RNF213: variants seen among roughly 807,000 people sequenced by gnomAD.
RNF213 encodes E3 ubiquitin-protein ligase RNF213.
Under a neutral mutation model 514.4 loss-of-function variants are expected in RNF213, and 341 were observed. The observed-to-expected ratio is 0.66, with a 90% CI of 0.61 to 0.73. RNF213 has a LOEUF of 0.73. Among genes scored for constraint, RNF213 ranks in the 30% least tolerant of loss-of-function variants. The pLI is 0.00. For missense variants in RNF213, 5,767 were observed against 6,615.6 expected, an observed-to-expected ratio of 0.87 and a Z score of 4.45; for synonymous variants, 2,655 against 2,658.2, an observed-to-expected ratio of 1.00 and a Z score of 0.04.
In RNF213 at chr17:80,376,400, T is replaced by C. The variant is rs772117564; in HGVS notation, c.13285T>C (p.Leu4429=). ...ATSLVDNSVP[L]LRAGPSDSNL... The stretch of plus-strand genomic sequence containing the variant: ...ATCGCTCGTGGACAATTCTGTGCCA[T>C]TGTTGAGGGCGGGGCCTAGTGACAG... Residue 4429 remains leucine, a synonymous_variant, in exon 52 of 68, where the codon TTG becomes CTG. Transcript: ENST00000582970. 10 of 1,614,066 alleles carry C rather than the reference T, an allele frequency of 6.2e-6. No homozygotes were observed. The highest frequency in any genetic ancestry group is 4.5e-5 in the East Asian group (2 of 44,890).
At chr17:80,300,572 G>A (rs1043890322) in intron 11 of RNF213, among the ~76,000 whole-genome samples, 2 of 150,876 alleles carry the variant, frequency 1.3e-5, no homozygotes, top group Admixed American at 1.3e-4. Flanking sequence ...TGTTTTGTTT[G>A]AGATGGAGTT....
chr17:80,331,651 C>T (rs537248710), intron 20 of RNF213, among the ~76,000 whole-genome samples: 21 of 152,280 alleles, frequency 1.4e-4, no homozygotes, highest in Non-Finnish European at 2.8e-4. Flanking sequence ...AGCGTCCCAA[C>T]GTGCTGGGTG....
chr17:80,349,541 C>T (rs1191120986), intron 29 of RNF213, among the ~76,000 whole-genome samples: 1 of 152,138 alleles, frequency 6.6e-6, no homozygotes, highest in Non-Finnish European at 1.5e-5. Flanking sequence ...AGGAAGGCAC[C>T]CTCGGGGCAG....
chr17:80,354,248 G>A, intron 35 of RNF213, 82 bp downstream of exon 35: 1 of 1,537,876 alleles, frequency 6.5e-7, no homozygotes, highest in Non-Finnish European at 8.9e-7. Flanking sequence ...TGTGTGTTGG[G>A]GGACACCCTC....
intron 46 of RNF213, among the ~76,000 whole-genome samples, chr17:80,370,477 TG>T (rs2079472370): frequency 1.3e-5 from 2 of 152,226 alleles, no homozygotes; most frequent in Non-Finnish European, 2.9e-5. Flanking sequence ...CTTATGATGA[TG>T]TTACAAAAAG....
At chr17:80,289,499 A>G (rs2044603656) in intron 5 of RNF213, among the ~76,000 whole-genome samples, 160 bp from the exon 6 acceptor site, 1 of 151,724 alleles carries the variant, frequency 6.6e-6, no homozygotes, top group South Asian at 2.1e-4. Flanking sequence ...CTGTCGCAGG[A>G]GAATTGCTTG....
intron 8 of RNF213, among the ~76,000 whole-genome samples, chr17:80,294,221 C>T (rs1196259852): frequency 6.6e-6 from 1 of 152,196 alleles, no homozygotes; most frequent in African/African-American, 2.4e-5. Context: ...TGTCAGCCAC[C>T]ATGCCAAGGG....
rs1006025114 is a variant in RNF213, at chr17:80,317,406, G to C, written c.2901+129G>C. On this transcript the variant is annotated intron_variant, in intron 16 of 67. Transcript: ENST00000582970. This position sits in a 1 kb window ranked among gnomAD's most constrained non-coding sequence, Gnocchi z 4.1. ...CAGGGATGGGGTGAATCACAGCTCCGTGTTTCTGTTTCTGATCCAGCCCTT... is the reference window on the plus strand; with the variant it reads ...CAGGGATGGGGTGAATCACAGCTCCCTGTTTCTGTTTCTGATCCAGCCCTT... 2 of 827,586 alleles carry C rather than the reference G, an allele frequency of 2.4e-6. No individual in the cohort carries two copies. The highest frequency in any genetic ancestry group is 2.0e-5 in the Admixed American group (1 of 49,840). 51.3% of individuals were successfully genotyped at this position (827,586 alleles called of 1,614,324 possible).
chr17:80,272,307 AAAAAAG>A (rs1257604100), intron 2 of RNF213, among the ~76,000 whole-genome samples: 1 of 152,152 alleles, frequency 6.6e-6, no homozygotes, highest in African/African-American at 2.4e-5. Context: ...AAATAAAATA[AAAAAAG>A]AAAAAGAAAA....
At chr17:80,327,655 AG>A (rs1228921796) in intron 18 of RNF213, among the ~76,000 whole-genome samples, 160 bp from the exon 19 acceptor site, 1 of 152,196 alleles carries the variant, frequency 6.6e-6, no homozygotes, top group Non-Finnish European at 1.5e-5. Context: ...GGAAAGCAGA[AG>A]GGAGTGGAAT....
In RNF213 at chr17:80,354,010, C is replaced by G; in HGVS notation, c.10579-9C>G. The G allele has an allele frequency of 6.2e-7, 1 of 1,613,708 alleles. No homozygotes were observed. The highest frequency in any genetic ancestry group is 8.5e-7 in the Non-Finnish European group (1 of 1,180,026). On this transcript the variant is annotated splice_polypyrimidine_tract_variant and intron_variant, in intron 34 of 67. Coordinates refer to ENST00000582970, the MANE Select transcript of RNF213 (RefSeq NM_001256071.3). The stretch of plus-strand genomic sequence containing the variant: ...CAGAAACGGATGACCCAACCGTCTC[C>G]ACCAACAGGTGTCGATCCTGGACAC...
chr17:80,358,321 C>G lies in RNF213; in HGVS notation c.10896C>G (p.Val3632=), dbSNP rs541146727. The change falls in exon 37 of 68, where the codon GTC becomes GTG. Residue 3632 remains valine (V), a synonymous_variant. Transcript: ENST00000582970. ...HTLWKRVQGA[V]TPLLASMISF... is the part of the protein sequence containing the mutation. ...TCTGGAAGCGGGTCCAAGGTGCTGT[C>G]ACCCCTCTGCTGGCGAGCATGATAT... 5 of 1,614,130 alleles carry G rather than the reference C, an allele frequency of 3.1e-6. No homozygotes were observed. The East Asian group carries it at 6.7e-5, about 22-fold the overall frequency.
In RNF213 at chr17:80,373,094, T is replaced by G; in HGVS notation, c.12871T>G (p.Phe4291Val). Residue 4291 changes from phenylalanine to valine, a missense_variant, in exon 49 of 68, where the codon TTC becomes GTC. Phe to Val is a conservative substitution (Grantham distance 50). Coordinates refer to ENST00000582970, the MANE Select transcript of RNF213 (RefSeq NM_001256071.3). ...GCTCAGCAGCCAGCGGGGGATGGAG[T>G]TCGTGCAGGGCCTCTCCAAGCCCGG... ...RKLSSQRGME[F>V]VQGLSKPGRP... 1 of 1,613,456 alleles carries G rather than the reference T, an allele frequency of 6.2e-7. No homozygotes were observed. The highest frequency in any genetic ancestry group is 8.5e-7 in the Non-Finnish European group (1 of 1,179,918).
intron 50 of RNF213, among the ~76,000 whole-genome samples, chr17:80,375,542 G>GAAA (rs58313556): frequency 6.8e-6 from 1 of 146,464 alleles, no homozygotes; most frequent in Non-Finnish European, 1.5e-5. Flanking sequence ...TCTACTAAAA[G>GAAA]AAAAAAAAAA....
intron 9 of RNF213, 26 bp from the exon 10 acceptor site, chr17:80,295,531 G>T (rs202133062): frequency 1.9e-6 from 3 of 1,613,796 alleles, no homozygotes; most frequent in Non-Finnish European, 2.5e-6. Flanking sequence ...CATGGTTCAT[G>T]CATCTTCCTC....
chr17:80,279,172 G>T (rs1269444523), intron 3 of RNF213, among the ~76,000 whole-genome samples: 3 of 152,180 alleles, frequency 2.0e-5, no homozygotes, highest in Non-Finnish European at 4.4e-5. Context: ...CCTTCCACTT[G>T]CCTTTTTACT....
chr17:80,372,521 G>A lies in RNF213; in HGVS notation c.12538G>A (p.Asp4180Asn). Residue 4180 changes from aspartate (D) to asparagine (N), a missense_variant and splice_region_variant, in exon 48 of 68, where the codon GAT becomes AAT. Coordinates refer to ENST00000582970, the MANE Select transcript of RNF213 (RefSeq NM_001256071.3). ...TTCTTTCTTGTTCCTTGTTCCTCAG[G>A]ATTCAATACTTGAGAAGACCAGTGC... ...LYMLFINCLEDSILEKTSAYS... is the reference protein window; with the variant it reads ...LYMLFINCLENSILEKTSAYS... 1 of 1,609,900 alleles carries A rather than the reference G, an allele frequency of 6.2e-7. No homozygotes were observed. Among genetic ancestry groups the A allele is most frequent in the Non-Finnish European group, 8.5e-7 (1 of 1,176,660 alleles).
Position 80,322,585 on chromosome 17 carries a change from A to G in RNF213, c.3025-2445A>G, listed in dbSNP as rs531703740. On this transcript the variant is annotated intron_variant, in intron 17 of 67. Coordinates refer to ENST00000582970, the MANE Select transcript of RNF213 (RefSeq NM_001256071.3). ...AGCGAGACTCTGTCTCAAAAAAAAA[A>G]ATTTTTTTTCGTAGAGACAGGGTCT... Among the ~76,000 whole-genome samples the G allele has an allele frequency of 2.4e-4, 36 of 151,988 alleles. No individual in the cohort carries two copies. In the South Asian group the frequency reaches 6.8e-3, roughly 29 times the overall value.
intron 25 of RNF213, 43 bp downstream of exon 25, chr17:80,338,040 T>C: frequency 1.3e-6 from 2 of 1,536,154 alleles, no homozygotes; most frequent in Non-Finnish European, 1.7e-6. Context: ...GGTGGTGTCA[T>C]CTCGTCCGTG....
Sources: gnomAD v4.1 joint callset for allele counts (sites outside exome capture counted in the v4.1 genomes callset) on GRCh38, gnomAD v4.1.1 for gene constraint, Gnocchi (gnomAD v3.1) non-coding constraint, MANE v1.5 for transcripts, NCBI Gene and HGNC (gene_info 2026-07-23, HGNC 2026-07-21) for gene names.